Variants in GNA14 observed in about 807,000 individuals in gnomAD.
GNA14 encodes guanine nucleotide-binding protein subunit alpha-14.
GNA14 carries 50 observed loss-of-function variants against 42.0 expected under a neutral mutation model. That is an observed-to-expected ratio of 1.19 (90% CI 0.95 to 1.51). GNA14 has a LOEUF of 1.51. GNA14 is among the 40% of genes most tolerant of loss of function. The pLI, the probability that GNA14 is intolerant of heterozygous loss-of-function variation, is 0.00. For synonymous variants in GNA14, 173 were observed against 163.1 expected, an observed-to-expected ratio of 1.06 and a Z score of -0.46; for missense variants, 473 against 446.2, an observed-to-expected ratio of 1.06 and a Z score of -0.54.
At chr9:77,505,969 G>A (rs1322109953) in intron 2 of GNA14, among the ~76,000 whole-genome samples, 5 of 152,068 alleles carry the variant, frequency 3.3e-5, no homozygotes, top group Non-Finnish European at 7.4e-5. Flanking sequence ...CATTAAAAAT[G>A]TAAAAAGAGG....
At chr9:77,498,005 A>G (rs1836900752) in intron 2 of GNA14, among the ~76,000 whole-genome samples, 1 of 152,190 alleles carries the variant, frequency 6.6e-6, no homozygotes. Context: ...AAATCCAGGC[A>G]CTGCCATTTG....
chr9:77,483,685 G>A (rs941205413), intron 2 of GNA14, among the ~76,000 whole-genome samples: 1 of 152,156 alleles, frequency 6.6e-6, no homozygotes, highest in Admixed American at 6.5e-5. Context: ...GCCTACAGAG[G>A]CAGGCTGGCC....
At chr9:77,493,968 T>G (rs146737235) in intron 2 of GNA14, among the ~76,000 whole-genome samples, 1 of 152,234 alleles carries the variant, frequency 6.6e-6, no homozygotes, top group East Asian at 1.9e-4. Context: ...TCACCCAGGC[T>G]GAAGTGCAGT....
At position 77,554,532 on chromosome 9, in the gene GNA14, G is replaced by C. The variant is rs145474863; in HGVS notation, c.125-25279C>G. On this transcript the variant is annotated intron_variant, in intron 1 of 6. Transcript: ENST00000341700. Reference sequence around the variant, plus strand: ...GTTTCCTCTCATTTTCAATGCGAGGGATTCATATTCTGTTGGCTATTTTGA... The same window carrying C: ...GTTTCCTCTCATTTTCAATGCGAGGCATTCATATTCTGTTGGCTATTTTGA... Among the ~76,000 whole-genome samples, 311 of 152,232 alleles carry C rather than the reference G, an allele frequency of 2.0e-3. 2 individuals are homozygous for C. Among genetic ancestry groups the C allele is most frequent in the African/African-American group, 7.2e-3 (299 of 41,554 alleles).
intron 1 of GNA14, among the ~76,000 whole-genome samples, chr9:77,593,258 A>G (rs1823416189): frequency 6.6e-6 from 1 of 152,114 alleles, no homozygotes; most frequent in Admixed American, 6.5e-5. Flanking sequence ...GTAGCAAGGC[A>G]GTGTTATTAC....
At chr9:77,571,084 GCTACCA>G (rs1423672359) in intron 1 of GNA14, among the ~76,000 whole-genome samples, 1 of 150,764 alleles carries the variant, frequency 6.6e-6, no homozygotes, top group African/African-American at 2.5e-5. Flanking sequence ...GAATTGTATA[GCTACCA>G]CAACTGCATG....
intron 1 of GNA14, among the ~76,000 whole-genome samples, chr9:77,615,390 G>C (rs1159720597): frequency 6.6e-6 from 1 of 151,958 alleles, no homozygotes; most frequent in African/African-American, 2.4e-5. Flanking sequence ...CTTCTGATCA[G>C]GTCAGTGCCA....
At chr9:77,586,481 G>A (rs1190885569) in intron 1 of GNA14, among the ~76,000 whole-genome samples, 1 of 152,180 alleles carries the variant, frequency 6.6e-6, no homozygotes, top group Non-Finnish European at 1.5e-5. Flanking sequence ...TGGCATAGTT[G>A]TCTGGGGTAA....
At chr9:77,540,316 T>C (rs542091849) in intron 1 of GNA14, among the ~76,000 whole-genome samples, 1 of 152,308 alleles carries the variant, frequency 6.6e-6, no homozygotes, top group South Asian at 2.1e-4. Context: ...CTAGTTTTAT[T>C]CCATTGTGGT....
In GNA14 at chr9:77,524,139, G is replaced by C. The variant is rs549385853; in HGVS notation, c.309+4930C>G. 4.6e-5 allele frequency among the ~76,000 whole-genome samples: 7 copies of C among 152,172 alleles called. No homozygotes were observed. The East Asian group carries it at 1.4e-3, about 29-fold the overall frequency. On this transcript the variant is annotated intron_variant, in intron 2 of 6. Transcript: ENST00000341700. ...CTTGAGAGACATTCATAAAAATTAA[G>C]GTTTATCAACAGAGTGAGCAAATAC... is the stretch of plus-strand genomic sequence containing the variant.
intron 1 of GNA14, among the ~76,000 whole-genome samples, chr9:77,581,164 T>C (rs1350757038): frequency 6.6e-6 from 1 of 152,146 alleles, no homozygotes; most frequent in African/African-American, 2.4e-5. Flanking sequence ...GGCAGGGAGA[T>C]GTGGGAGTGG....
At chr9:77,430,295 T>G (rs1587755117) in intron 4 of GNA14, among the ~76,000 whole-genome samples, 2 of 152,170 alleles carry the variant, frequency 1.3e-5, no homozygotes. Flanking sequence ...TTAAACCCAT[T>G]CACCAGCCTC....
At chr9:77,582,920 C>T (rs1823247428) in intron 1 of GNA14, among the ~76,000 whole-genome samples, 1 of 152,188 alleles carries the variant, frequency 6.6e-6, no homozygotes. Context: ...AAACCATTGA[C>T]TGATTAATGG....
intron 2 of GNA14, among the ~76,000 whole-genome samples, chr9:77,499,436 T>G (rs965036734): frequency 6.6e-6 from 1 of 151,732 alleles, no homozygotes; most frequent in African/African-American, 2.4e-5. Context: ...TTGAATATGG[T>G]ACCTTTTCCA....
At chr9:77,530,147 T>A (rs1020729170) in intron 1 of GNA14, among the ~76,000 whole-genome samples, 1 of 152,132 alleles carries the variant, frequency 6.6e-6, no homozygotes, top group Non-Finnish European at 1.5e-5. Flanking sequence ...AAATCTCACA[T>A]TGAATTGTAA....
At chr9:77,486,267 C>T (rs1226989797) in intron 2 of GNA14, among the ~76,000 whole-genome samples, 3 of 152,180 alleles carry the variant, frequency 2.0e-5, no homozygotes, top group African/African-American at 7.2e-5. Flanking sequence ...CATGAACCAA[C>T]CTCTTCTCAC....
At chr9:77,504,189 T>C (rs1480188910) in intron 2 of GNA14, among the ~76,000 whole-genome samples, 1 of 151,882 alleles carries the variant, frequency 6.6e-6, no homozygotes, top group Non-Finnish European at 1.5e-5. Context: ...ACTTAAGCTA[T>C]GAGTAATGGA....
chr9:77,533,450 G>GA (rs1837556721), intron 1 of GNA14, among the ~76,000 whole-genome samples: 1 of 152,222 alleles, frequency 6.6e-6, no homozygotes, highest in Admixed American at 6.5e-5. Flanking sequence ...AAAATGCAAG[G>GA]ATTACAGGCG....
intron 1 of GNA14, among the ~76,000 whole-genome samples, chr9:77,587,019 G>A (rs1823316213): frequency 6.7e-6 from 1 of 149,636 alleles, no homozygotes; most frequent in Non-Finnish European, 1.5e-5. Flanking sequence ...TTTGGGGGCT[G>A]CTTTTTATTA....
Sources: allele counts gnomAD v4.1 joint callset (sites outside exome capture counted in the v4.1 genomes callset), GRCh38; gene constraint gnomAD v4.1.1; transcripts MANE v1.5; gene names NCBI Gene and HGNC (gene_info 2026-07-23, HGNC 2026-07-21).